Variants in ZNF385B observed in about 807,000 individuals in gnomAD.
The protein encoded by ZNF385B is zinc finger protein 385B.
Under a neutral mutation model 39.2 loss-of-function variants are expected in ZNF385B, and 23 were observed. The ratio of observed to expected loss-of-function variants is 0.59; its 90% confidence interval spans 0.42 to 0.83. The LOEUF is 0.83. Among genes scored for constraint, ZNF385B ranks in the 40% least tolerant of loss-of-function variants. The pLI is 0.00. For synonymous variants in ZNF385B, 205 were observed against 222.6 expected, an observed-to-expected ratio of 0.92 and a Z score of 0.70; for missense variants, 552 against 598.9, an observed-to-expected ratio of 0.92 and a Z score of 0.82.
At chr2:179,838,554 T>G (rs1708372961) in intron 1 of ZNF385B, among the ~76,000 whole-genome samples, 1 of 152,164 alleles carries the variant, frequency 6.6e-6, no homozygotes, top group African/African-American at 2.4e-5. Context: ...CTCCTTCCCC[T>G]CTGCAACTCC....
chr2:179,531,913 G>C (rs991451271), intron 4 of ZNF385B, among the ~76,000 whole-genome samples: 1 of 152,148 alleles, frequency 6.6e-6, no homozygotes, highest in African/African-American at 2.4e-5. Flanking sequence ...GTATAAATAG[G>C]TATGTGTACA....
rs2049402648 is a variant in ZNF385B at position 179,445,710 on chromosome 2, A to G, written c.980T>C (p.Met327Thr). ...ACCAGCCCCATTACGAGCTTCAACC[A>G]TGGTCTTGTGTTTAGATCCTAAGAC... ...AHNTGSKHKT[M>T]VEARNGAGPI... Residue 327 changes from methionine (M) to threonine (T), a missense_variant, in exon 8 of 10, where the codon ATG becomes ACG. Physicochemically the swap from Met to Thr is moderately conservative, Grantham distance 81. Coordinates refer to ENST00000410066, the MANE Select transcript of ZNF385B (RefSeq NM_152520.6). 6.2e-7 allele frequency: 1 copy of G among 1,612,150 alleles called. No homozygotes were observed. The highest frequency in any genetic ancestry group is 8.5e-7 in the Non-Finnish European group (1 of 1,179,356).
At chr2:179,818,255 A>G (rs1707194221) in intron 1 of ZNF385B, among the ~76,000 whole-genome samples, 1 of 152,352 alleles carries the variant, frequency 6.6e-6, no homozygotes, top group East Asian at 1.9e-4. Flanking sequence ...CCTTTCCGAC[A>G]TAATGACAGG....
At chr2:179,703,739 C>T (rs1051360455) in intron 3 of ZNF385B, among the ~76,000 whole-genome samples, 1 of 152,214 alleles carries the variant, frequency 6.6e-6, no homozygotes, top group African/African-American at 2.4e-5. Context: ...GCCTTTCTTG[C>T]AACCAAACAA....
chr2:179,449,656 C>T (rs374124331), intron 6 of ZNF385B, among the ~76,000 whole-genome samples: 11 of 151,946 alleles, frequency 7.2e-5, no homozygotes, highest in African/African-American at 1.7e-4. Flanking sequence ...GAATCAATAT[C>T]GTGAAAATGG....
intron 1 of ZNF385B, among the ~76,000 whole-genome samples, chr2:179,851,831 C>T (rs1334616321): frequency 6.6e-6 from 1 of 152,164 alleles, no homozygotes; most frequent in Admixed American, 6.5e-5. Flanking sequence ...AACAGTTTTT[C>T]TTGCTATAAT....
intron 6 of ZNF385B, among the ~76,000 whole-genome samples, chr2:179,479,364 C>A (rs2053750702): frequency 6.6e-6 from 1 of 152,102 alleles, no homozygotes; most frequent in African/African-American, 2.4e-5. Flanking sequence ...TCCATTATAA[C>A]AAATCTCTTT....
chr2:179,768,843 A>T lies in ZNF385B; in HGVS notation c.298+660T>A, dbSNP rs78527386. Among the ~76,000 whole-genome samples, 626 of 152,370 alleles carry T rather than the reference A, an allele frequency of 4.1e-3. 8 individuals are homozygous for T. The highest frequency in any genetic ancestry group is 0.014 in the African/African-American group (595 of 41,590). ...AAAGATTGTTTAGAATTCAGGGCAGAGGCAGAAATGCAAAAATTCCTGAGC... is the reference window on the plus strand; with the variant it reads ...AAAGATTGTTTAGAATTCAGGGCAGTGGCAGAAATGCAAAAATTCCTGAGC... On this transcript the variant is annotated intron_variant, in intron 3 of 9. Coordinates refer to ENST00000410066, the MANE Select transcript of ZNF385B (RefSeq NM_152520.6).
At chr2:179,835,140 G>A (rs1708178215) in intron 1 of ZNF385B, among the ~76,000 whole-genome samples, 1 of 152,156 alleles carries the variant, frequency 6.6e-6, no homozygotes, top group South Asian at 2.1e-4. Context: ...TAAATTTCCT[G>A]GACATGACCG....
At chr2:179,471,096 G>C (rs755584772) in intron 6 of ZNF385B, among the ~76,000 whole-genome samples, 17 of 152,120 alleles carry the variant, frequency 1.1e-4, no homozygotes, top group Non-Finnish European at 2.2e-4. Context: ...GGGGCTTAGG[G>C]GTTTGTTATC....
chr2:179,795,957 A>G (rs1303270385), intron 1 of ZNF385B, among the ~76,000 whole-genome samples: 3 of 152,222 alleles, frequency 2.0e-5, no homozygotes, highest in Non-Finnish European at 4.4e-5. Flanking sequence ...ATAGACTACT[A>G]TAGACTATGC....
At chr2:179,588,001 G>A (rs1166946845) in intron 3 of ZNF385B, among the ~76,000 whole-genome samples, 3 of 152,158 alleles carry the variant, frequency 2.0e-5, no homozygotes, top group African/African-American at 4.8e-5. Context: ...CTGACATACT[G>A]AGGTGAGGTG....
In ZNF385B at chr2:179,861,298, C is replaced by A; in HGVS notation, c.-352G>T. ...GGTGGAGGTGGCGCGGGCGACAGCT[C>A]GGCCCGGCGCGGCCCCTGAACTGTC... On this transcript the variant is annotated 5_prime_UTR_variant, in exon 1 of 10. Coordinates refer to ENST00000410066, the MANE Select transcript of ZNF385B (RefSeq NM_152520.6). 2 of 156,410 alleles carry A rather than the reference C, an allele frequency of 1.3e-5. No homozygotes were observed. Among genetic ancestry groups the A allele is most frequent in the South Asian group, 3.6e-4 (2 of 5,546 alleles). 9.7% of individuals were successfully genotyped at this position (156,410 alleles called of 1,614,324 possible).
At chr2:179,721,674 TA>T (rs1196355944) in intron 3 of ZNF385B, among the ~76,000 whole-genome samples, 5 of 151,166 alleles carry the variant, frequency 3.3e-5, no homozygotes, top group African/African-American at 7.3e-5. Flanking sequence ...TAAAATGCAA[TA>T]TTTTTTATAA....
intron 1 of ZNF385B, among the ~76,000 whole-genome samples, chr2:179,806,980 G>A (rs1706391818): frequency 6.6e-6 from 1 of 152,104 alleles, no homozygotes; most frequent in Admixed American, 6.5e-5. Context: ...GCTTCTAGAG[G>A]GCTTATAAAT....
chr2:179,759,914 C>T (rs899518418), intron 3 of ZNF385B, among the ~76,000 whole-genome samples: 1 of 151,960 alleles, frequency 6.6e-6, no homozygotes, highest in Non-Finnish European at 1.5e-5. Flanking sequence ...TACTAGAAAA[C>T]TGGGGGGTTT....
intron 3 of ZNF385B, among the ~76,000 whole-genome samples, chr2:179,718,420 GATAT>G (rs1275649314): frequency 1.4e-5 from 2 of 146,388 alleles, no homozygotes; most frequent in African/African-American, 5.0e-5. Context: ...TTATCATAAA[GATAT>G]ATATATTTCT....
At chr2:179,536,534 T>G (rs1341433071) in intron 4 of ZNF385B, 1 of 152,186 alleles carries the variant, frequency 6.6e-6, no homozygotes, top group Non-Finnish European at 1.5e-5. Context: ...GCTCCTGAAA[T>G]TTTACATTCT....
intron 5 of ZNF385B, among the ~76,000 whole-genome samples, chr2:179,499,150 C>G (rs2056525835): frequency 6.6e-6 from 1 of 151,888 alleles, no homozygotes; most frequent in Admixed American, 6.6e-5. Context: ...AGACCAACAA[C>G]AAGTAATGAG....
Sources: allele counts gnomAD v4.1 joint callset (sites outside exome capture counted in the v4.1 genomes callset), GRCh38; gene constraint gnomAD v4.1.1; transcripts MANE v1.5; gene names NCBI Gene and HGNC (gene_info 2026-07-23, HGNC 2026-07-21).